SCML2: variants seen among roughly 807,000 people sequenced by gnomAD.
The protein encoded by SCML2 is Scm polycomb group protein like 2.
SCML2 carries 6 observed loss-of-function variants against 48.4 expected under a neutral mutation model. The ratio of observed to expected loss-of-function variants is 0.12; its 90% CI spans 0.07 to 0.24. The LOEUF is 0.24. SCML2 is among the 10% of genes least tolerant of loss of function. The pLI is 1.00. For synonymous variants in SCML2, 181 were observed against 189.5 expected, an observed-to-expected ratio of 0.95 and a Z score of 0.37; for missense variants, 377 against 528.2, an observed-to-expected ratio of 0.71 and a Z score of 2.81.
intron 2 of SCML2, among the ~76,000 whole-genome samples, chrX:18,332,551 G>A (rs1929689554): frequency 8.9e-6 from 1 of 112,082 alleles, no homozygotes; most frequent in African/African-American, 3.2e-5. Context: ...TTGAAGAAAG[G>A]TAGTTTCTCT....
intron 13 of SCML2, among the ~76,000 whole-genome samples, chrX:18,246,345 G>T (rs1423119506): frequency 8.9e-6 from 1 of 112,247 alleles, no homozygotes; most frequent in Non-Finnish European, 1.9e-5. Context: ...ACTAATCTGA[G>T]AAGTCTCTAT....
rs751846794 is a variant in SCML2 at position 18,270,441 on chromosome X, G to A, written c.731-4639C>T. Among the ~76,000 whole-genome samples the A allele has an allele frequency of 2.3e-4, 25 of 111,020 alleles. No individual in the cohort carries two copies. The South Asian group carries it at 3.8e-3, about 17-fold the overall frequency. On this transcript the variant is annotated intron_variant, in intron 7 of 14. Coordinates refer to ENST00000251900, the MANE Select transcript of SCML2 (RefSeq NM_006089.3). ...GTTTGAGACAAGGTTTCACTCTGTCGTCCAGTGCCGACATGCAGGAGTGAA... is the reference window on the plus strand; with the variant it reads ...GTTTGAGACAAGGTTTCACTCTGTCATCCAGTGCCGACATGCAGGAGTGAA...
intron 7 of SCML2, among the ~76,000 whole-genome samples, chrX:18,273,363 G>C (rs933541298): frequency 9.0e-6 from 1 of 111,269 alleles, no homozygotes; most frequent in Non-Finnish European, 1.9e-5. Flanking sequence ...TAGGCCTCTT[G>C]CAAGTTCCAG....
At chrX:18,277,476 G>C (rs905465617) in intron 7 of SCML2, among the ~76,000 whole-genome samples, 8 of 111,579 alleles carry the variant, frequency 7.2e-5, no homozygotes, top group Admixed American at 4.8e-4. Context: ...TTTTAAATAT[G>C]AATAAACAGA....
intron 11 of SCML2, among the ~76,000 whole-genome samples, chrX:18,251,215 G>T (rs1481380593): frequency 1.9e-5 from 2 of 105,639 alleles, no homozygotes; most frequent in Non-Finnish European, 3.9e-5. Flanking sequence ...GGAGGCTGAG[G>T]TGGGAGGACT....
At chrX:18,297,245 G>A (rs2147515093) in intron 7 of SCML2, among the ~76,000 whole-genome samples, 1 of 111,890 alleles carries the variant, frequency 8.9e-6, no homozygotes, top group Admixed American at 9.5e-5. Flanking sequence ...CATAATAAAG[G>A]CTACATATGA....
At chrX:18,287,343 G>T (rs1928089918) in intron 7 of SCML2, among the ~76,000 whole-genome samples, 1 of 111,189 alleles carries the variant, frequency 9.0e-6, no homozygotes, top group Admixed American at 9.6e-5. Context: ...TATATTGAAA[G>T]GATCTATAGT....
intron 6 of SCML2, among the ~76,000 whole-genome samples, chrX:18,306,416 C>T (rs1055113997): frequency 2.7e-5 from 3 of 111,737 alleles, no homozygotes; most frequent in Non-Finnish European, 5.6e-5. Flanking sequence ...AAGCCCAGTT[C>T]TCCTAGCTTC....
chrX:18,271,523 A>G (rs991514401), intron 7 of SCML2, among the ~76,000 whole-genome samples: 2 of 109,690 alleles, frequency 1.8e-5, no homozygotes, highest in Non-Finnish European at 3.8e-5. Context: ...AATAGTCAAC[A>G]GGTGCTCTCT....
At chrX:18,280,424 G>A (rs770175581) in intron 7 of SCML2, among the ~76,000 whole-genome samples, 1 of 111,818 alleles carries the variant, frequency 8.9e-6, no homozygotes, top group East Asian at 2.8e-4. Context: ...TAAGCACATA[G>A]CCCACAGGCA....
chrX:18,246,327 C>G (rs1386549342), intron 13 of SCML2, among the ~76,000 whole-genome samples: 2 of 112,083 alleles, frequency 1.8e-5, no homozygotes, highest in African/African-American at 6.5e-5. Context: ...TACAACTGTT[C>G]AAGCACTACT....
intron 11 of SCML2, among the ~76,000 whole-genome samples, chrX:18,253,533 G>C (rs758506496): frequency 9.0e-6 from 1 of 111,444 alleles, no homozygotes; most frequent in South Asian, 3.8e-4. Context: ...TTTCACCTAA[G>C]AATTATAATC....
intron 11 of SCML2, among the ~76,000 whole-genome samples, chrX:18,253,562 G>A (rs1201021557): frequency 1.8e-5 from 2 of 111,696 alleles, no homozygotes; most frequent in African/African-American, 6.5e-5. Context: ...AAAGCAGAGA[G>A]CTGATAGGAA....
At chrX:18,333,516 G>C (rs138501506) in intron 2 of SCML2, among the ~76,000 whole-genome samples, 1 of 111,730 alleles carries the variant, frequency 9.0e-6, no homozygotes, top group African/African-American at 3.3e-5. Context: ...TTAGCTTCTA[G>C]AGAAGCTAAG....
intron 13 of SCML2, among the ~76,000 whole-genome samples, chrX:18,243,019 C>T (rs928195080): frequency 8.0e-5 from 9 of 112,219 alleles, no homozygotes; most frequent in Admixed American, 7.6e-4. Flanking sequence ...TAGCTAAATC[C>T]GATGGAAATT....
chrX:18,319,361 C>A (rs1464932625), intron 6 of SCML2, among the ~76,000 whole-genome samples: 3 of 108,103 alleles, frequency 2.8e-5, no homozygotes, highest in Non-Finnish European at 5.7e-5. Context: ...GGTGACAGAG[C>A]AAAACTCAGT....
chrX:18,283,051 C>A (rs777152403), intron 7 of SCML2, among the ~76,000 whole-genome samples: 1 of 111,577 alleles, frequency 9.0e-6, no homozygotes, highest in South Asian at 3.8e-4. Context: ...ATATCCTCAA[C>A]AAAATACTAG....
intron 7 of SCML2, among the ~76,000 whole-genome samples, chrX:18,292,686 C>T (rs751256431): frequency 3.6e-5 from 4 of 110,991 alleles, no homozygotes; most frequent in Non-Finnish European, 7.6e-5. Context: ...ACTTCCCTTA[C>T]CATTCAACAT....
intron 7 of SCML2, among the ~76,000 whole-genome samples, chrX:18,280,859 G>A (rs1050583061): frequency 1.8e-5 from 2 of 111,605 alleles, no homozygotes; most frequent in Non-Finnish European, 3.8e-5. Flanking sequence ...CATAAAACAA[G>A]TTCTTCCTGG....
Sources: gnomAD v4.1 joint callset for allele counts (sites outside exome capture counted in the v4.1 genomes callset) on GRCh38, gnomAD v4.1.1 for gene constraint, MANE v1.5 for transcripts, NCBI Gene and HGNC (gene_info 2026-07-23, HGNC 2026-07-21) for gene names.